Variants in ZFAT observed in about 807,000 individuals in gnomAD.
ZFAT encodes zinc finger protein ZFAT.
A neutral mutation model predicts 117.7 loss-of-function variants in ZFAT; 64 were observed. The observed-to-expected ratio is 0.54, with a 90% confidence interval of 0.44 to 0.67. ZFAT has a LOEUF of 0.67. ZFAT is among the 30% of genes least tolerant of loss of function. The pLI is 0.00. For missense variants in ZFAT, 1,433 were observed against 1,584.5 expected, an observed-to-expected ratio of 0.90 and a Z score of 1.62; for synonymous variants, 679 against 615.0, an observed-to-expected ratio of 1.10 and a Z score of -1.54.
chr8:134,744,999 A>G, the ZFAT span, among the ~76,000 whole-genome samples: 61 of 151,858 alleles, frequency 4.0e-4, no homozygotes, highest in Admixed American at 3.9e-4. Flanking sequence ...AAAGTGCTGG[A>G]ATTACAGGCG....
chr8:134,606,545 A>G (rs1309993817), intron 5 of ZFAT, among the ~76,000 whole-genome samples: 1 of 151,404 alleles, frequency 6.6e-6, no homozygotes, highest in Non-Finnish European at 1.5e-5. Context: ...TGAAACCCCA[A>G]CTCTACTGAA....
chr8:134,732,489 C>T, the ZFAT span, among the ~76,000 whole-genome samples: 16 of 152,268 alleles, frequency 1.1e-4, no homozygotes, highest in Middle Eastern at 6.8e-3. Flanking sequence ...CCCTCCTGTC[C>T]GACTCTACTT....
chr8:134,715,665 G>A (rs1277304403), upstream of ZFAT, among the ~76,000 whole-genome samples: 1 of 152,232 alleles, frequency 6.6e-6, no homozygotes, highest in Non-Finnish European at 1.5e-5. Context: ...ATGGCAAGCT[G>A]CCTCGGTGAT....
intron 11 of ZFAT, among the ~76,000 whole-genome samples, chr8:134,540,438 G>T (rs1316069438): frequency 6.6e-6 from 1 of 152,190 alleles, no homozygotes; most frequent in Non-Finnish European, 1.5e-5. Flanking sequence ...ACCTCCTGGT[G>T]GGTGTCCTCC....
intron 11 of ZFAT, among the ~76,000 whole-genome samples, chr8:134,536,512 G>C (rs1821851697): frequency 6.6e-6 from 1 of 152,166 alleles, no homozygotes; most frequent in African/African-American, 2.4e-5. Flanking sequence ...CCAAAGTGTG[G>C]GAACTGAGCC....
chr8:134,667,769 A>G (rs1479185894), intron 1 of ZFAT, among the ~76,000 whole-genome samples: 1 of 152,092 alleles, frequency 6.6e-6, no homozygotes, highest in Non-Finnish European at 1.5e-5. Flanking sequence ...GAGACAGGAC[A>G]GTAGGTGCAG....
chr8:134,516,418 C>T (rs1223107898), intron 13 of ZFAT, among the ~76,000 whole-genome samples: 1 of 152,184 alleles, frequency 6.6e-6, no homozygotes, highest in African/African-American at 2.4e-5. Flanking sequence ...AAGGTTGCAA[C>T]ATGGTAATAT....
chr8:134,625,508 G>A lies in ZFAT; in HGVS notation c.448+11953C>T, dbSNP rs183819554. 3.5e-3 allele frequency among the ~76,000 whole-genome samples: 531 copies of A among 152,310 alleles called. 1 individual carries two copies. Among genetic ancestry groups the A allele is most frequent in the Middle Eastern group, 0.014 (4 of 294 alleles). On this transcript the variant is annotated intron_variant, in intron 3 of 15. Transcript: ENST00000377838. Reference sequence around the variant, plus strand: ...ACGCTCCAGCAAGTGGTCCTGCCCTGCTCCCTCTGCAGGTGGTTCACCTCA... The same window carrying A: ...ACGCTCCAGCAAGTGGTCCTGCCCTACTCCCTCTGCAGGTGGTTCACCTCA...
chr8:134,819,947 C>T, the ZFAT span, among the ~76,000 whole-genome samples: 1 of 152,052 alleles, frequency 6.6e-6, no homozygotes, highest in Non-Finnish European at 1.5e-5. Flanking sequence ...GAGAAGCACA[C>T]ATAGACATGA....
chr8:134,796,094 CAGT>C, the ZFAT span: 4 of 152,388 alleles, frequency 2.6e-5, no homozygotes, highest in African/African-American at 9.6e-5. Context: ...TGACCCTTCT[CAGT>C]ATCTTGCCTA....
intron 11 of ZFAT, among the ~76,000 whole-genome samples, chr8:134,542,806 T>C (rs1822366934): frequency 1.3e-5 from 2 of 152,130 alleles, no homozygotes; most frequent in South Asian, 4.1e-4. Flanking sequence ...AAGCCCCAAA[T>C]AACCTCCTCA....
At chr8:134,748,821 G>A in the ZFAT span, among the ~76,000 whole-genome samples, 1 of 152,130 alleles carries the variant, frequency 6.6e-6, no homozygotes, top group African/African-American at 2.4e-5. Context: ...CATTGAGGTT[G>A]AGCACTTTTC....
rs541964407 is a variant in ZFAT, at chr8:134,678,233, G to A, written c.20-20496C>T. On this transcript the variant is annotated intron_variant, in intron 1 of 15. Coordinates refer to ENST00000377838, the MANE Select transcript of ZFAT (RefSeq NM_020863.4). The stretch of plus-strand genomic sequence containing the variant: ...GCCCAAAATCTCCTTAAGCTGATAA[G>A]CAACTTCAGCAAAGTCTCAGGATAT... 7.9e-5 allele frequency among the ~76,000 whole-genome samples: 12 copies of A among 152,294 alleles called. No homozygotes were observed. In the South Asian group the frequency reaches 2.3e-3, roughly 29 times the overall value.
intron 3 of ZFAT, among the ~76,000 whole-genome samples, chr8:134,636,468 C>T (rs1830217879): frequency 6.6e-6 from 1 of 152,150 alleles, no homozygotes; most frequent in Non-Finnish European, 1.5e-5. Context: ...TCAAAGCAAC[C>T]ATAGGAGACA....
intron 10 of ZFAT, among the ~76,000 whole-genome samples, chr8:134,580,096 G>A (rs1437664748): frequency 6.6e-6 from 1 of 152,030 alleles, no homozygotes; most frequent in Non-Finnish European, 1.5e-5. Context: ...GCAAACATGG[G>A]GTGCACTTCC....
At chr8:134,531,337 C>T (rs373591156) in intron 12 of ZFAT, among the ~76,000 whole-genome samples, 18 of 152,198 alleles carry the variant, frequency 1.2e-4, no homozygotes, top group South Asian at 2.1e-4. Context: ...TAACCTGCAA[C>T]TCTAGTTATT....
chr8:134,644,782 T>C (rs1047283825), intron 2 of ZFAT, among the ~76,000 whole-genome samples: 3 of 151,644 alleles, frequency 2.0e-5, no homozygotes, highest in Non-Finnish European at 4.4e-5. Context: ...TGTGCCCAGA[T>C]ATGCAATCAC....
the ZFAT span, among the ~76,000 whole-genome samples, chr8:134,802,037 T>C: frequency 6.6e-6 from 1 of 152,216 alleles, no homozygotes; most frequent in South Asian, 2.1e-4. Flanking sequence ...CAAGTAATTC[T>C]GATGCAAGCT....
At chr8:134,668,648 G>A in intron 1 of ZFAT, among the ~76,000 whole-genome samples, 1 of 152,142 alleles carries the variant, frequency 6.6e-6, no homozygotes, top group Non-Finnish European at 1.5e-5. Flanking sequence ...CCACAAAGAT[G>A]GGGAAAAAAC....
Sources: allele counts gnomAD v4.1 joint callset (sites outside exome capture counted in the v4.1 genomes callset), GRCh38; gene constraint gnomAD v4.1.1; transcripts MANE v1.5; gene names NCBI Gene and HGNC (gene_info 2026-07-23, HGNC 2026-07-21).